Variants in MYH9 observed in about 807,000 individuals in gnomAD.
MYH9 encodes myosin-9.
In MYH9, 29 loss-of-function variants were observed where a neutral mutation model predicts 241.9. The ratio of observed to expected loss-of-function variants is 0.12; its 90% confidence interval spans 0.09 to 0.16. The LOEUF (loss-of-function observed/expected upper bound fraction) is 0.16, where lower values mean the gene tolerates loss of function less well. Ranked by LOEUF, MYH9 falls within the 10% of genes least tolerant of loss-of-function variation. The probability of loss-of-function intolerance (pLI) is 1.00; values close to 1 mark genes in which losing one functional copy is unlikely to be tolerated. For synonymous variants in MYH9, 1,047 were observed against 1,062.6 expected, an observed-to-expected ratio of 0.99 and a Z score of 0.29; for missense variants, 1,803 against 2,595.5, an observed-to-expected ratio of 0.69 and a Z score of 6.63.
chr22:36,301,489 C>A lies in MYH9; in HGVS notation c.2631+45G>T, dbSNP rs554295654. The A allele has an allele frequency of 1.9e-6, 3 of 1,609,898 alleles. No homozygotes were observed. In the Admixed American group the frequency reaches 5.0e-5, roughly 27 times the overall value. On this transcript the variant is annotated intron_variant, in intron 21 of 40. Coordinates refer to ENST00000216181, the MANE Select transcript of MYH9 (RefSeq NM_002473.6). The stretch of plus-strand genomic sequence containing the variant: ...TACCGATGGCCAGCAGGTGGCAGCA[C>A]CAGGCAGGTCGTGCGACCTGGACTG...
intron 1 of MYH9, among the ~76,000 whole-genome samples, chr22:36,382,128 C>T (rs2018265986): frequency 6.6e-6 from 1 of 151,988 alleles, no homozygotes; most frequent in South Asian, 2.1e-4. Context: ...ATGCCCAGCC[C>T]CAAACGACCT....
intron 1 of MYH9, among the ~76,000 whole-genome samples, chr22:36,355,031 C>A (rs1823858249): frequency 6.9e-6 from 1 of 143,904 alleles, no homozygotes; most frequent in South Asian, 2.2e-4. Context: ...TCAGAAAGTC[C>A]CGAGCTCCTG....
chr22:36,316,426 C>T (rs545031922), intron 12 of MYH9, 91 bp downstream of exon 12: 177 of 1,584,900 alleles, frequency 1.1e-4, no homozygotes, highest in Non-Finnish European at 1.4e-4. Flanking sequence ...CAGATCGATG[C>T]AGGACCATGA....
chr22:36,356,467 G>A (rs2017857578), intron 1 of MYH9, among the ~76,000 whole-genome samples: 1 of 150,698 alleles, frequency 6.6e-6, no homozygotes, highest in African/African-American at 2.4e-5. Context: ...TGTAATCCTA[G>A]CTACTAGGGA....
chr22:36,327,178 C>G (rs1356437863), intron 4 of MYH9, among the ~76,000 whole-genome samples: 2 of 152,208 alleles, frequency 1.3e-5, no homozygotes, highest in Admixed American at 6.5e-5. Context: ...TGGTTCCCAG[C>G]TGGATTGTGG....
chr22:36,374,390 C>T (rs756904998), intron 1 of MYH9, among the ~76,000 whole-genome samples: 34 of 152,190 alleles, frequency 2.2e-4, no homozygotes, highest in Non-Finnish European at 3.2e-4. Flanking sequence ...CATGGCGGCA[C>T]GCGCCTGTAA....
intron 3 of MYH9, among the ~76,000 whole-genome samples, chr22:36,338,334 G>A (rs558087560): frequency 5.3e-5 from 8 of 152,188 alleles, no homozygotes; most frequent in Non-Finnish European, 7.4e-5. Context: ...GACGTCCTTC[G>A]TCAGTCAATG....
chr22:36,299,680 G>A (rs1259151007), intron 23 of MYH9, among the ~76,000 whole-genome samples: 4 of 152,166 alleles, frequency 2.6e-5, no homozygotes, highest in Non-Finnish European at 5.9e-5. Context: ...CTGGTTCCCC[G>A]GCTGCTATCT....
intron 14 of MYH9, among the ~76,000 whole-genome samples, chr22:36,311,289 G>A (rs930373781): frequency 6.6e-6 from 1 of 152,202 alleles, no homozygotes; most frequent in African/African-American, 2.4e-5. Context: ...TAAGTGTTGA[G>A]GGCAGGTCCA....
intron 1 of MYH9, among the ~76,000 whole-genome samples, chr22:36,355,779 G>A (rs566602040): frequency 1.6e-4 from 24 of 152,246 alleles, no homozygotes; most frequent in Middle Eastern, 3.4e-3. Flanking sequence ...GCCCTGCTCC[G>A]TTTCCCCCTT....
At chr22:36,322,160 G>A (rs1026468140) in intron 6 of MYH9, among the ~76,000 whole-genome samples, 3 of 152,260 alleles carry the variant, frequency 2.0e-5, no homozygotes, top group Non-Finnish European at 2.9e-5. Flanking sequence ...TGAGCACTCT[G>A]GGGCACAGCA....
intron 1 of MYH9, among the ~76,000 whole-genome samples, chr22:36,352,556 C>A (rs565915979): frequency 6.6e-6 from 1 of 152,224 alleles, no homozygotes; most frequent in Non-Finnish European, 1.5e-5. Context: ...TGGAGGGTCA[C>A]AAACATCACA....
intron 1 of MYH9, among the ~76,000 whole-genome samples, chr22:36,383,756 G>A (rs1445285864): frequency 6.7e-6 from 1 of 149,208 alleles, no homozygotes; most frequent in African/African-American, 2.5e-5. Flanking sequence ...TCAGGAGCTC[G>A]AGACCAGCCT....
Position 36,319,493 on chromosome 22 carries a change from G to A in MYH9, c.1108+47C>T, listed in dbSNP as rs769915969. ...ACCTTCCCTCCTGAGCAAATCCATG[G>A]CCAAGCACCTGCCCCATTATTTCCA... On this transcript the variant is annotated intron_variant, in intron 10 of 40. Coordinates refer to ENST00000216181, the MANE Select transcript of MYH9 (RefSeq NM_002473.6). 4 of 1,575,396 alleles carry A rather than the reference G, an allele frequency of 2.5e-6. No individual in the cohort carries two copies. The Admixed American group carries it at 5.0e-5, about 20-fold the overall frequency.
chr22:36,325,423 G>A (rs903910477), intron 5 of MYH9, among the ~76,000 whole-genome samples: 2 of 152,204 alleles, frequency 1.3e-5, no homozygotes, highest in Admixed American at 6.5e-5. Flanking sequence ...TGGAGCCACC[G>A]GGAGCGGCCA....
chr22:36,312,834 C>T (rs1021180638), intron 13 of MYH9, among the ~76,000 whole-genome samples: 3 of 152,152 alleles, frequency 2.0e-5, no homozygotes, highest in East Asian at 1.9e-4. Flanking sequence ...TTTGGCCAGG[C>T]GCGGTGGCTC....
intron 32 of MYH9, 43 bp downstream of exon 32, chr22:36,289,042 C>T: frequency 1.9e-6 from 3 of 1,613,684 alleles, no homozygotes; most frequent in Non-Finnish European, 2.5e-6. Flanking sequence ...GATGACCCCA[C>T]TCGGGCCCTT....
Position 36,306,081 on chromosome 22 carries a change from C to T in MYH9, c.2038-30G>A. On this transcript the variant is annotated intron_variant, in intron 16 of 40. Transcript: ENST00000216181. This position sits in a 1 kb window ranked among gnomAD's most constrained non-coding sequence, Gnocchi z 4.1. The stretch of plus-strand genomic sequence containing the variant: ...AGAAGAAAACACATGCATGCGGTCT[C>T]ACTTCCGTGCCTAGAACAGTCGGAG... 6.2e-7 allele frequency: 1 copy of T among 1,611,694 alleles called. No individual in the cohort carries two copies. The highest frequency in any genetic ancestry group is 8.5e-7 in the Non-Finnish European group (1 of 1,179,970).
chr22:36,290,904 T>C (rs901943372), intron 31 of MYH9, among the ~76,000 whole-genome samples: 1 of 150,776 alleles, frequency 6.6e-6, no homozygotes, highest in Non-Finnish European at 1.5e-5. Flanking sequence ...GGAGACCCTC[T>C]GCCTGGCAAC....
Sources: gnomAD v4.1 joint callset for allele counts (sites outside exome capture counted in the v4.1 genomes callset) on GRCh38, gnomAD v4.1.1 for gene constraint, Gnocchi (gnomAD v3.1) non-coding constraint, MANE v1.5 for transcripts, NCBI Gene and HGNC (gene_info 2026-07-23, HGNC 2026-07-21) for gene names.